Variants in TTLL13 observed in about 807,000 individuals in gnomAD.
The protein encoded by TTLL13 is tubulin polyglutamylase TTLL13.
At chr15:90,253,249 T>C in the TTLL13 span, 1 of 1,613,312 alleles carries the variant, frequency 6.2e-7, no homozygotes. Context: ...GTCTCTGCAG[T>C]GCGTCGGGCA....
At chr15:90,257,914 C>T in the TTLL13 span, 1 of 1,020,506 alleles carries the variant, frequency 9.8e-7, no homozygotes, top group Non-Finnish European at 1.4e-6. Context: ...AGTCCCTGCT[C>T]CAAACTGCTA....
chr15:90,263,025 G>A, the TTLL13 span: 1 of 1,536,148 alleles, frequency 6.5e-7, no homozygotes, highest in Non-Finnish European at 8.7e-7. Context: ...AGGAGGAGCT[G>A]GAGCGGATGA....
chr15:90,251,212 C>T, the TTLL13 span, among the ~76,000 whole-genome samples: 5 of 148,336 alleles, frequency 3.4e-5, no homozygotes, highest in African/African-American at 5.0e-5. Flanking sequence ...CTCCCGGGTT[C>T]AGGCCATTCT....
the TTLL13 span, chr15:90,264,115 C>G: frequency 2.7e-6 from 3 of 1,131,908 alleles, no homozygotes; most frequent in Non-Finnish European, 3.8e-6. Flanking sequence ...CACTAGCAAG[C>G]ATAGAGCTTG....
the TTLL13 span, chr15:90,262,618 C>G: frequency 5.2e-6 from 8 of 1,527,836 alleles, no homozygotes; most frequent in African/African-American, 5.5e-5. Flanking sequence ...GGGCAGGGCT[C>G]CAGAGCCTTT....
chr15:90,265,471 A>C, the TTLL13 span: 1 of 1,371,188 alleles, frequency 7.3e-7, no homozygotes, highest in Non-Finnish European at 9.4e-7. Context: ...AAGTTTATGC[A>C]GTTTTCCAGG....
At chr15:90,259,799 G>A in the TTLL13 span, among the ~76,000 whole-genome samples, 1 of 152,230 alleles carries the variant, frequency 6.6e-6, no homozygotes, top group East Asian at 1.9e-4. Flanking sequence ...TTACATCCGT[G>A]TTGGTCACCC....
chr15:90,256,409 G>A, the TTLL13 span: 1 of 1,352,578 alleles, frequency 7.4e-7, no homozygotes, highest in Non-Finnish European at 1.0e-6. Flanking sequence ...CTTCCCACTA[G>A]CCCCGTTTTC....
At chr15:90,256,614 C>T in the TTLL13 span, among the ~76,000 whole-genome samples, 4,517 of 41,282 alleles carry the variant, frequency 0.11, 246 homozygotes, top group African/African-American at 0.31. Context: ...TCTTTCCTTC[C>T]TTCCTTCCTT....
chr15:90,265,082 C>T, the TTLL13 span: 9 of 1,347,338 alleles, frequency 6.7e-6, no homozygotes, highest in Non-Finnish European at 8.9e-6. Context: ...AAGCCCTGCC[C>T]AGGAACCCCA....
the TTLL13 span, among the ~76,000 whole-genome samples, chr15:90,261,368 C>T: frequency 7.0e-6 from 1 of 143,632 alleles, no homozygotes; most frequent in Admixed American, 7.4e-5. Context: ...CGTGAGCCAC[C>T]ATGCCCGGCC....
chr15:90,260,093 GT>G, the TTLL13 span, among the ~76,000 whole-genome samples: 1 of 152,216 alleles, frequency 6.6e-6, no homozygotes, highest in Non-Finnish European at 1.5e-5. Context: ...AGACTGGACT[GT>G]GTACCTGAGG....
the TTLL13 span, chr15:90,257,515 T>C: frequency 9.6e-7 from 1 of 1,037,544 alleles, no homozygotes. Context: ...AGCAGTCCTC[T>C]GGTGGAGAGA....
At chr15:90,251,663 G>A in the TTLL13 span, 8 of 1,560,840 alleles carry the variant, frequency 5.1e-6, no homozygotes, top group Non-Finnish European at 6.2e-6. Context: ...TTCTTCCTCT[G>A]GAATGGACCC....
At chr15:90,253,432 T>A in the TTLL13 span, 1 of 1,230,244 alleles carries the variant, frequency 8.1e-7, no homozygotes, top group African/African-American at 1.5e-5. Context: ...TCCCACCTCC[T>A]TGCCCAGGCA....
the TTLL13 span, chr15:90,251,013 C>T: frequency 7.8e-7 from 1 of 1,280,860 alleles, no homozygotes; most frequent in Non-Finnish European, 1.1e-6. Context: ...ACAGGAAATG[C>T]TGGAGTGTCA....
the TTLL13 span, chr15:90,263,839 C>T: frequency 3.9e-6 from 3 of 774,268 alleles, no homozygotes; most frequent in East Asian, 2.7e-5. Context: ...GCAGGGCGCT[C>T]CTCATTTCCT....
chr15:90,255,921 G>C, the TTLL13 span: 18 of 1,613,514 alleles, frequency 1.1e-5, no homozygotes, highest in South Asian at 7.7e-5. Context: ...GAGATACCAG[G>C]GGGAGGAAAA....
chr15:90,250,942 C>T, the TTLL13 span: 1 of 1,579,418 alleles, frequency 6.3e-7, no homozygotes, highest in South Asian at 1.2e-5. Flanking sequence ...CACCCATTGG[C>T]CTCCCTTCAA....
Sources: gnomAD v4.1 joint callset for allele counts (sites outside exome capture counted in the v4.1 genomes callset) on GRCh38, gnomAD v4.1.1 for gene constraint, MANE v1.5 for transcripts, NCBI Gene and HGNC (gene_info 2026-07-23, HGNC 2026-07-21) for gene names.